BAZ2B: variants seen among roughly 807,000 people sequenced by gnomAD.
The protein encoded by BAZ2B is bromodomain adjacent to zinc finger domain protein 2B.
In BAZ2B, 91 loss-of-function variants were observed where a neutral mutation model predicts 246.0. The observed-to-expected ratio is 0.37, with a 90% confidence interval of 0.31 to 0.44. The LOEUF (loss-of-function observed/expected upper bound fraction) is 0.44. Ranked by LOEUF, BAZ2B falls within the 20% of genes least tolerant of loss-of-function variation. The pLI, the probability that BAZ2B is intolerant of heterozygous loss-of-function variation, is 1.00. For missense variants in BAZ2B, 2,332 were observed against 2,533.7 expected, an observed-to-expected ratio of 0.92 and a Z score of 1.71; for synonymous variants, 855 against 860.0, an observed-to-expected ratio of 0.99 and a Z score of 0.10.
intron 2 of BAZ2B, among the ~76,000 whole-genome samples, chr2:159,549,076 T>G (rs1294497036): frequency 1.3e-5 from 2 of 152,012 alleles, no homozygotes; most frequent in African/African-American, 4.8e-5. Context: ...AGGTCAAGAG[T>G]TCGAGACCAG....
chr2:159,348,574 C>A, intron 30 of BAZ2B, 104 bp downstream of exon 30: 6 of 1,319,012 alleles, frequency 4.5e-6, no homozygotes, highest in Non-Finnish European at 6.1e-6. Context: ...GATGTGGAAC[C>A]CATGAATATG....
rs577067006 is a variant in BAZ2B, at chr2:159,403,248, G to T, written c.2832+1601C>A. ...ACTCTATACTTTGATTCACTTTGTT[G>T]AATCAAATAAATGAGATGGTATTCT... is the stretch of plus-strand genomic sequence containing the variant. On this transcript the variant is annotated intron_variant, in intron 16 of 36. Transcript: ENST00000392783. Among the ~76,000 whole-genome samples, 11 of 152,254 alleles carry T rather than the reference G, an allele frequency of 7.2e-5. No homozygotes were observed. In the East Asian group the frequency reaches 2.1e-3, roughly 29 times the overall value.
At chr2:159,621,848 G>A in the BAZ2B span, among the ~76,000 whole-genome samples, 8 of 152,082 alleles carry the variant, frequency 5.3e-5, no homozygotes, top group African/African-American at 1.7e-4. Context: ...GCTCACGCCT[G>A]TAATCCCAGC....
chr2:159,512,440 C>T (rs988668936), intron 2 of BAZ2B, among the ~76,000 whole-genome samples: 3 of 152,042 alleles, frequency 2.0e-5, no homozygotes, highest in South Asian at 2.1e-4. Context: ...AAATACCCAG[C>T]GGCATCTTAG....
intron 14 of BAZ2B, among the ~76,000 whole-genome samples, chr2:159,406,114 TC>T (rs2065892849): frequency 6.6e-6 from 1 of 152,216 alleles, no homozygotes; most frequent in Non-Finnish European, 1.5e-5. Context: ...TTGGAGCAAT[TC>T]CCATCAAGAG....
At chr2:159,604,904 A>G (rs1002981969) in intron 1 of BAZ2B, among the ~76,000 whole-genome samples, 1 of 151,838 alleles carries the variant, frequency 6.6e-6, no homozygotes, top group Non-Finnish European at 1.5e-5. Context: ...TTATTGTTAA[A>G]TCTAAAGAAC....
At chr2:159,482,132 AAAC>A (rs1473715749) in intron 2 of BAZ2B, among the ~76,000 whole-genome samples, 2 of 57,254 alleles carry the variant, frequency 3.5e-5, no homozygotes, top group Non-Finnish European at 9.7e-5. Flanking sequence ...GTAAAAAAAC[AAAC>A]AAAAAAAAAA....
At chr2:159,348,319 C>CAAAAAAAA (rs541304274) in intron 30 of BAZ2B, among the ~76,000 whole-genome samples, 1 of 27,152 alleles carries the variant, frequency 3.7e-5, no homozygotes, top group African/African-American at 9.1e-5. Flanking sequence ...GACTCTCTCA[C>CAAAAAAAA]AAAAAAAAAA....
chr2:159,605,512 C>A (rs1362077751), intron 1 of BAZ2B, among the ~76,000 whole-genome samples: 2 of 151,954 alleles, frequency 1.3e-5, no homozygotes, highest in African/African-American at 4.8e-5. Context: ...AAAATATTTG[C>A]AAAAATAATC....
intron 7 of BAZ2B, 122 bp downstream of exon 7, chr2:159,438,887 G>T: frequency 1.6e-6 from 2 of 1,263,164 alleles, no homozygotes; most frequent in Non-Finnish European, 2.2e-6. Flanking sequence ...TTCTTTCTTG[G>T]GCAAAAGTAT....
chr2:159,516,712 G>A (rs922628696), intron 2 of BAZ2B: 3 of 152,516 alleles, frequency 2.0e-5, no homozygotes, highest in Non-Finnish European at 4.4e-5. Context: ...GAATGCTCAC[G>A]TGATAAAACT....
At chr2:159,360,739 G>T (rs1355288466) in intron 27 of BAZ2B, among the ~76,000 whole-genome samples, 1 of 152,152 alleles carries the variant, frequency 6.6e-6, no homozygotes, top group African/African-American at 2.4e-5. Flanking sequence ...TATGGTACTG[G>T]TACCAAAACA....
At chr2:159,627,375 T>C in the BAZ2B span, among the ~76,000 whole-genome samples, 2 of 149,294 alleles carry the variant, frequency 1.3e-5, no homozygotes, top group Admixed American at 6.7e-5. Context: ...AAAAAAAAAA[T>C]TTCAGGCCAA....
intron 2 of BAZ2B, among the ~76,000 whole-genome samples, chr2:159,480,156 C>T (rs1332505994): frequency 6.6e-6 from 1 of 152,006 alleles, no homozygotes; most frequent in Admixed American, 6.6e-5. Flanking sequence ...GGACTCTTTA[C>T]CTAGAAGTGA....
chr2:159,712,117 A>C, the BAZ2B span: 2 of 148,852 alleles, frequency 1.3e-5, no homozygotes, highest in Non-Finnish European at 3.0e-5. Flanking sequence ...AAAAAAGCCA[A>C]CCAGCTGGGC....
In BAZ2B at chr2:159,325,840, C is replaced by A. The variant is rs1298453772; in HGVS notation, c.6022G>T (p.Val2008Leu). 8.1e-6 allele frequency: 13 copies of A among 1,608,034 alleles called. No homozygotes were observed. Among genetic ancestry groups the A allele is most frequent in the African/African-American group, 1.3e-5 (1 of 74,546 alleles). Residue 2008 changes from valine (V) to leucine (L), a missense_variant, in exon 35 of 37, where the codon GTA becomes TTA. Val to Leu is a conservative substitution (Grantham distance 32, BLOSUM62 1). Transcript: ENST00000392783. ...KTNESKKGKK[V>L]TLTGDTEDED... ...TCTTCAGTATCTCCTGTTAAAGTTA[C>A]CTTCTTGCCTTTCTTTGACTCATTA...
At position 159,412,450 on chromosome 2, in the gene BAZ2B, T is replaced by C. The variant is rs768609075; in HGVS notation, c.2562A>G (p.Gln854=). The C allele has an allele frequency of 3.1e-6, 5 of 1,614,132 alleles. No individual in the cohort carries two copies. The highest frequency in any genetic ancestry group is 4.2e-6 in the Non-Finnish European group (5 of 1,179,996). The change falls in exon 14 of 37, where the codon CAA becomes CAG. Residue 854 remains glutamine (Q), a synonymous_variant. Transcript: ENST00000392783. ...TCATCCTGGATTCCTCTCTTGCTCG[T>C]TGTCTATCTGGATTTGGTGGTCTTC... ...RRGRPPNPDR[Q]RAREESRMRR...
the BAZ2B span, among the ~76,000 whole-genome samples, chr2:159,633,831 C>G: frequency 6.6e-6 from 1 of 151,350 alleles, no homozygotes; most frequent in Non-Finnish European, 1.5e-5. Flanking sequence ...ACTCTGCTTC[C>G]CAGGTTCAAG....
chr2:159,695,643 C>T, the BAZ2B span, among the ~76,000 whole-genome samples: 2 of 152,104 alleles, frequency 1.3e-5, no homozygotes, highest in African/African-American at 4.8e-5. Context: ...GGTTTTTCTT[C>T]CCCCATTGAA....
Sources: gnomAD v4.1 joint callset for allele counts (sites outside exome capture counted in the v4.1 genomes callset) on GRCh38, gnomAD v4.1.1 for gene constraint, MANE v1.5 for transcripts, NCBI Gene and HGNC (gene_info 2026-07-23, HGNC 2026-07-21) for gene names.